The following STS variants were observed in gnomAD, a reference collection of about 807,000 sequenced individuals.
STS encodes steroid sulfatase, also known as steryl-sulfatase.
Under a neutral mutation model 26.8 loss-of-function variants are expected in STS, and 7 were observed. That is an observed-to-expected ratio of 0.26 (90% CI 0.15 to 0.49). The LOEUF (loss-of-function observed/expected upper bound fraction) is 0.49. Ranked by LOEUF, STS falls within the 20% of genes least tolerant of loss-of-function variation. STS has a pLI of 0.98. For missense variants in STS, 434 were observed against 465.6 expected (o/e 0.93, Z 0.63); for synonymous variants, 199 against 189.4 (o/e 1.05, Z -0.42).
At chrX:7,198,385 A>G (rs1934008789) in intron 2 of STS, among the ~76,000 whole-genome samples, 1 of 111,201 alleles carries the variant, frequency 9.0e-6, no homozygotes, top group Non-Finnish European at 1.9e-5. Context: ...AGATCAGATC[A>G]CAGGGTCTAA....
chrX:7,325,257 G>C (rs1318040822), intron 8 of STS, 82 bp from the exon 9 acceptor site: 35 of 1,035,090 alleles, frequency 3.4e-5, no homozygotes, highest in Non-Finnish European at 4.0e-6. Flanking sequence ...CTTCTACATT[G>C]AGCACGAAAG....
In STS at chrX:7,351,307, C is replaced by G. The variant is rs1429713811; in HGVS notation, c.*1046C>G. The G allele has an allele frequency of 8.9e-6, 1 of 111,936 alleles. No individual in the cohort carries two copies. The allele number at this position is 111,936 out of a possible 1,213,427, so 9.2% of individuals were successfully genotyped here. A position where few individuals can be genotyped will look rare whatever the true frequency, so the allele number is the denominator to read the frequency against. On this transcript the variant is annotated 3_prime_UTR_variant, in exon 11 of 11. Coordinates refer to ENST00000674429, the MANE Select transcript of STS (RefSeq NM_001320752.2). ...CACATAAGCATAATTTCCTTTAGTT[C>G]TAGTTAGTCATCAGAGAACAGTCAT...
In STS at chrX:7,349,315, C is replaced by CTTTTTTTTTT. The variant is rs1928669611; in HGVS notation, c.1364-573_1364-572insTTTTTTTTTT. 3.9e-4 allele frequency among the ~76,000 whole-genome samples: 8 copies of CTTTTTTTTTT among 20,285 alleles called. 3 individuals are homozygous for CTTTTTTTTTT. The highest frequency in any genetic ancestry group is 3.5e-4 in the African/African-American group (2 of 5,711). 17.6% of individuals were successfully genotyped at this position (20,285 alleles called of 115,157 possible). ...CGCTGCACTCGGCCCTCATTTAATT[C>CTTTTTTTTTT]CTTTTTTTTTTTTTTTTTTTTTTTT... On this transcript the variant is annotated intron_variant, in intron 10 of 10. Coordinates refer to ENST00000674429, the MANE Select transcript of STS (RefSeq NM_001320752.2).
rs867162674 is a variant in STS at position 7,297,116 on chromosome X, C to T, written c.944-7930C>T. Among the ~76,000 whole-genome samples, 40 of 112,157 alleles carry T rather than the reference C, an allele frequency of 3.6e-4. 1 individual carries two copies. The Middle Eastern group carries it at 0.014, about 39-fold the overall frequency. On this transcript the variant is annotated intron_variant, in intron 7 of 10. Coordinates refer to ENST00000674429, the MANE Select transcript of STS (RefSeq NM_001320752.2). ...AAATTGTCTGAAACTAGCCAAGTCT[C>T]ATTATGAGCATTGTTACTGAGAACT...
chrX:7,181,658 G>A (rs1313407458), intron 1 of STS, among the ~76,000 whole-genome samples: 1 of 112,251 alleles, frequency 8.9e-6, no homozygotes, highest in African/African-American at 3.2e-5. Context: ...TGGGTTTCTG[G>A]TTGTTTACTG....
chrX:7,234,360 G>A (rs1230432874), intron 2 of STS, among the ~76,000 whole-genome samples: 1 of 112,364 alleles, frequency 8.9e-6, no homozygotes, highest in Non-Finnish European at 1.9e-5. Flanking sequence ...CTCCTTTCCT[G>A]CATGTCCCAG....
At position 7,350,737 on chromosome X, in the gene STS, G is replaced by A. The variant is rs758648683; in HGVS notation, c.*476G>A. On this transcript the variant is annotated 3_prime_UTR_variant, in exon 11 of 11. Transcript: ENST00000674429. ...CAATCACATAAAAAAGAGTTTAGTC[G>A]TCTAAACATAAGTAACTTTAAGGTG... The A allele has an allele frequency of 3.2e-4, 37 of 116,980 alleles. No individual in the cohort carries two copies. Among genetic ancestry groups the A allele is most frequent in the East Asian group, 2.4e-3 (9 of 3,675 alleles). The allele number at this position is 116,980 out of a possible 1,213,427, so 9.6% of individuals were successfully genotyped here.
intron 2 of STS, among the ~76,000 whole-genome samples, chrX:7,197,469 G>T (rs1179260397): frequency 9.0e-6 from 1 of 110,829 alleles, no homozygotes; most frequent in Non-Finnish European, 1.9e-5. Context: ...GACAGAGTAG[G>T]GCGTTCCCGA....
At chrX:7,338,600 A>G (rs1928140667) in intron 10 of STS, among the ~76,000 whole-genome samples, 1 of 111,853 alleles carries the variant, frequency 8.9e-6, no homozygotes, top group African/African-American at 3.2e-5. Flanking sequence ...AAGGATGTAG[A>G]CATCCTCACA....
intron 1 of STS, among the ~76,000 whole-genome samples, chrX:7,176,584 CAT>C (rs1178290412): frequency 1.8e-5 from 2 of 110,957 alleles, no homozygotes; most frequent in Non-Finnish European, 3.8e-5. Flanking sequence ...TTAATTGACT[CAT>C]AGTTCCACAT....
At chrX:7,239,881 CTTT>C (rs71893716) in intron 2 of STS, among the ~76,000 whole-genome samples, 11 of 74,880 alleles carry the variant, frequency 1.5e-4, no homozygotes, top group Admixed American at 1.7e-4. Flanking sequence ...TTCTAAGTGG[CTTT>C]TTTTTTTTTT....
At position 7,350,433 on chromosome X, in the gene STS, G is replaced by C. The variant is rs1928747075; in HGVS notation, c.*172G>C. ...AGAGCTCAACAGCTACTCAACTGGA[G>C]GGGTGAGGGGGATAAGGTCTGTAGT... On this transcript the variant is annotated 3_prime_UTR_variant, in exon 11 of 11. Transcript: ENST00000674429. 1 of 626,481 alleles carries C rather than the reference G, an allele frequency of 1.6e-6. No homozygotes were observed. Among genetic ancestry groups the C allele is most frequent in the Non-Finnish European group, 2.4e-6 (1 of 412,286 alleles). 51.6% of individuals were successfully genotyped at this position (626,481 alleles called of 1,213,427 possible).
chrX:7,254,512 A>G (rs1272719379), intron 3 of STS, among the ~76,000 whole-genome samples: 1 of 110,034 alleles, frequency 9.1e-6, no homozygotes, highest in Non-Finnish European at 1.9e-5. Context: ...ACTGAATTAA[A>G]GGAGAGGATG....
chrX:7,250,646 T>C (rs1299206680), intron 2 of STS, among the ~76,000 whole-genome samples: 1 of 112,247 alleles, frequency 8.9e-6, no homozygotes, highest in Non-Finnish European at 1.9e-5. Flanking sequence ...ATGGCAAAAA[T>C]GGTTTCACGT....
At position 7,273,779 on chromosome X, in the gene STS, TAAAAAA is replaced by T. The variant is rs755327221; in HGVS notation, c.807-2167_807-2162del. Among the ~76,000 whole-genome samples, 573 of 107,347 alleles carry T rather than the reference TAAAAAA, an allele frequency of 5.3e-3. 2 individuals are homozygous for T. Among genetic ancestry groups the T allele is most frequent in the African/African-American group, 0.018 (538 of 29,712 alleles). The allele number at this position is 107,347 out of a possible 115,157, so 93.2% of individuals were successfully genotyped here. A position where few individuals can be genotyped will look rare whatever the true frequency, so the allele number is the denominator to read the frequency against. ...TGAATTTGTATGCCCTTTCTCCTAT[TAAAAAA>T]AAAAGAAATTGAATTCCTGCCCCCA... On this transcript the variant is annotated intron_variant, in intron 6 of 10. Transcript: ENST00000674429.
intron 8 of STS, among the ~76,000 whole-genome samples, chrX:7,320,152 A>AT (rs1240423281): frequency 1.0e-5 from 1 of 97,516 alleles, no homozygotes; most frequent in Non-Finnish European, 2.0e-5. Context: ...ATATTTATAT[A>AT]TTTTTTATTA....
In STS at chrX:7,353,314, A is replaced by G. The variant is rs1447810017; in HGVS notation, c.*3053A>G. On this transcript the variant is annotated 3_prime_UTR_variant, in exon 11 of 11. Transcript: ENST00000674429. Reference sequence around the variant, plus strand: ...TATTACCCATAAGGCACACTCTCTAAGGCCTTTTAAGGGGCCTACAAAAAT... The same window carrying G: ...TATTACCCATAAGGCACACTCTCTAGGGCCTTTTAAGGGGCCTACAAAAAT... 1 of 111,297 alleles carries G rather than the reference A, an allele frequency of 9.0e-6. No individual in the cohort carries two copies. The highest frequency in any genetic ancestry group is 3.3e-5 in the African/African-American group (1 of 30,645). The allele number at this position is 111,297 out of a possible 1,213,427, so 9.2% of individuals were successfully genotyped here.
chrX:7,218,568 G>A (rs1228571205), intron 2 of STS, among the ~76,000 whole-genome samples: 4 of 112,214 alleles, frequency 3.6e-5, no homozygotes, highest in Non-Finnish European at 5.6e-5. Context: ...TGGAGGTTGA[G>A]GAACCCTATA....
At chrX:7,276,168 T>C (rs963863298) in intron 7 of STS, 81 bp downstream of exon 7, 4 of 1,129,150 alleles carry the variant, frequency 3.5e-6, no homozygotes, top group Non-Finnish European at 4.8e-6. Flanking sequence ...ATTTCTATCT[T>C]TGTTCCTGAT....
Sources: gnomAD v4.1 joint callset for allele counts (sites outside exome capture counted in the v4.1 genomes callset) on GRCh38, gnomAD v4.1.1 for gene constraint, MANE v1.5 for transcripts, NCBI Gene and HGNC (gene_info 2026-07-23, HGNC 2026-07-21) for gene names.